Variants in DYNLL1 observed in about 807,000 individuals in gnomAD.
DYNLL1 encodes the protein dynein light chain 1, cytoplasmic.
A neutral mutation model predicts 10.1 loss-of-function variants in DYNLL1; 3 were observed. The observed-to-expected ratio is 0.30, with a 90% confidence interval of 0.14 to 0.77. The LOEUF (loss-of-function observed/expected upper bound fraction) is 0.77. DYNLL1 is among the 30% of genes least tolerant of loss of function. The pLI is 0.66. For missense variants in DYNLL1, 47 were observed against 111.7 expected (o/e 0.42, Z 2.61); for synonymous variants, 46 against 41.2 (o/e 1.12, Z -0.45).
intron 1 of DYNLL1, among the ~76,000 whole-genome samples, chr12:120,477,774 C>G (rs1878787809): frequency 6.6e-6 from 1 of 151,690 alleles, no homozygotes; most frequent in African/African-American, 2.4e-5. Context: ...GACCCCGTCT[C>G]TGAAAAATAA....
At chr12:120,486,110 C>T (rs1041323620) in intron 1 of DYNLL1, among the ~76,000 whole-genome samples, 2 of 152,128 alleles carry the variant, frequency 1.3e-5, no homozygotes, top group Admixed American at 6.5e-5. Flanking sequence ...ATGGCTGTGA[C>T]ATTGAGTTTG....
intron 2 of DYNLL1, 156 bp from the exon 3 acceptor site, chr12:120,497,917 T>C: frequency 1.4e-6 from 1 of 703,136 alleles, no homozygotes; most frequent in Non-Finnish European, 2.3e-6. Flanking sequence ...TAATGTACTA[T>C]GTAGGCGGCT....
chr12:120,493,867 C>A (rs1879199187), upstream of DYNLL1: 1 of 151,892 alleles, frequency 6.6e-6, no homozygotes, highest in African/African-American at 2.4e-5. Context: ...GATCCGCCTG[C>A]CTCGGCCTCC....
chr12:120,497,492 G>T (rs1438822343), intron 2 of DYNLL1: 1 of 152,420 alleles, frequency 6.6e-6, no homozygotes, highest in Admixed American at 6.5e-5. Context: ...GACAGATTCT[G>T]TTTCCAGCAG....
chr12:120,486,495 G>T (rs1878997434), intron 1 of DYNLL1, among the ~76,000 whole-genome samples: 1 of 152,010 alleles, frequency 6.6e-6, no homozygotes, highest in Non-Finnish European at 1.5e-5. Flanking sequence ...TTGAGTCAGG[G>T]TCTCGCTCTG....
At chr12:120,479,465 A>T (rs1243448193) in intron 1 of DYNLL1, among the ~76,000 whole-genome samples, 1,376 of 124,898 alleles carry the variant, frequency 0.011, 23 homozygotes, top group African/African-American at 0.036. Context: ...AAAAAAAAAA[A>T]AAAAATAATA....
chr12:120,495,734 T>C (rs1879251484), upstream of DYNLL1: 1 of 152,292 alleles, frequency 6.6e-6, no homozygotes, highest in African/African-American at 2.4e-5. Context: ...CACCAACTTC[T>C]AGAGACTGTT....
intron 1 of DYNLL1, 64 bp from the exon 2 acceptor site, chr12:120,496,352 G>A: frequency 3.7e-6 from 6 of 1,601,680 alleles, no homozygotes; most frequent in Non-Finnish European, 5.1e-6. Context: ...GGCCGGGGTG[G>A]GGGCAGTTAG....
chr12:120,476,308 A>AG (rs1167271197), intron 1 of DYNLL1, among the ~76,000 whole-genome samples: 1 of 76,056 alleles, frequency 1.3e-5, no homozygotes, highest in Non-Finnish European at 2.3e-5. Flanking sequence ...AATTATCTGG[A>AG]GTTTTTTTTT....
In DYNLL1 at chr12:120,496,270, C is replaced by T. The variant is rs545403435; in HGVS notation, c.-7+54C>T. 43 of 1,240,322 alleles carry T rather than the reference C, an allele frequency of 3.5e-5. No homozygotes were observed. In the East Asian group the frequency reaches 1.0e-3, roughly 30 times the overall value. The allele number at this position is 1,240,322 out of a possible 1,614,324, so 76.8% of individuals were successfully genotyped here. ...CCTCGCTGCCTTATTTCGCCCCACTCCGGACTTAGCCCTCCGCGTAGCCCG... is the reference window on the plus strand; with the variant it reads ...CCTCGCTGCCTTATTTCGCCCCACTTCGGACTTAGCCCTCCGCGTAGCCCG... On this transcript the variant is annotated intron_variant, in intron 1 of 2. Coordinates refer to ENST00000242577, the MANE Select transcript of DYNLL1 (RefSeq NM_003746.3).
chr12:120,481,771 C>T (rs1159547813), intron 1 of DYNLL1, among the ~76,000 whole-genome samples: 1 of 152,218 alleles, frequency 6.6e-6, no homozygotes, highest in Non-Finnish European at 1.5e-5. Context: ...CTGAAAGTTT[C>T]CATCTCTAGT....
At position 120,496,161 on chromosome 12, in the gene DYNLL1, C is replaced by G. The variant is rs1235988342; in HGVS notation, c.-62C>G. ...GACGGTATCTCTAGCCGGGCCTGAGCTGTGCTAGCACCTCCCCCAGGAGAC... is the reference window on the plus strand; with the variant it reads ...GACGGTATCTCTAGCCGGGCCTGAGGTGTGCTAGCACCTCCCCCAGGAGAC... On this transcript the variant is annotated 5_prime_UTR_variant, in exon 1 of 3. Transcript: ENST00000242577. 8.6e-6 allele frequency: 5 copies of G among 584,282 alleles called. No individual in the cohort carries two copies. Among genetic ancestry groups the G allele is most frequent in the Non-Finnish European group, 1.5e-5 (5 of 330,216 alleles). 36.2% of individuals were successfully genotyped at this position (584,282 alleles called of 1,614,324 possible). A position where few individuals can be genotyped will look rare whatever the true frequency, so the allele number is the denominator to read the frequency against.
intron 1 of DYNLL1, among the ~76,000 whole-genome samples, chr12:120,472,024 G>A (rs773732664): frequency 6.6e-6 from 1 of 152,128 alleles, no homozygotes; most frequent in Non-Finnish European, 1.5e-5. Flanking sequence ...GATAATAAGG[G>A]AGTGGCTCAA....
chr12:120,473,714 T>C (rs1442021275), intron 1 of DYNLL1, among the ~76,000 whole-genome samples: 1 of 116,796 alleles, frequency 8.6e-6, no homozygotes, highest in Non-Finnish European at 1.7e-5. Context: ...AAAAAAAAAA[T>C]TAAAAAATTA....
intron 1 of DYNLL1, among the ~76,000 whole-genome samples, chr12:120,481,734 C>G (rs1293048102): frequency 6.6e-6 from 1 of 152,246 alleles, no homozygotes; most frequent in Non-Finnish European, 1.5e-5. Flanking sequence ...TAGCCCCACT[C>G]CCCTCCCTGG....
intron 2 of DYNLL1, 121 bp downstream of exon 2, chr12:120,496,674 A>G: frequency 6.4e-7 from 1 of 1,555,634 alleles, no homozygotes; most frequent in Non-Finnish European, 8.8e-7. Flanking sequence ...GGGGCGTAGA[A>G]GCTTCCAGAA....
intron 1 of DYNLL1, among the ~76,000 whole-genome samples, chr12:120,474,815 C>T (rs528194588): frequency 1.9e-4 from 29 of 152,284 alleles, no homozygotes; most frequent in African/African-American, 5.8e-4. Flanking sequence ...GAACTGGTCC[C>T]GCCTGGCAGG....
At chr12:120,472,177 C>CA (rs58950474) in intron 1 of DYNLL1, among the ~76,000 whole-genome samples, 38,267 of 147,936 alleles carry the variant, frequency 0.26, 5,665 homozygotes, top group East Asian at 0.5. Context: ...CTGCTTGTAA[C>CA]AAAAAAAAAA....
intron 1 of DYNLL1, among the ~76,000 whole-genome samples, chr12:120,471,437 G>A (rs1878648965): frequency 6.6e-6 from 1 of 152,026 alleles, no homozygotes; most frequent in South Asian, 2.1e-4. Context: ...TTAATCAGAA[G>A]GTAGTTGATT....
Sources: gnomAD v4.1 joint callset for allele counts (sites outside exome capture counted in the v4.1 genomes callset) on GRCh38, gnomAD v4.1.1 for gene constraint, MANE v1.5 for transcripts, NCBI Gene and HGNC (gene_info 2026-07-23, HGNC 2026-07-21) for gene names.